RTTN: variants seen among roughly 807,000 people sequenced by gnomAD.
The protein encoded by RTTN is rotatin.
RTTN carries 182 observed loss-of-function variants against 269.2 expected under a neutral mutation model. The observed-to-expected ratio is 0.68, with a 90% CI of 0.60 to 0.76. The LOEUF (loss-of-function observed/expected upper bound fraction) is 0.76, where lower values mean the gene tolerates loss of function less well. RTTN is among the 30% of genes least tolerant of loss of function. The pLI, the probability that RTTN is intolerant of heterozygous loss-of-function variation, is 0.00. For missense variants in RTTN, 2,545 were observed against 2,608.6 expected (o/e 0.98, Z 0.53); for synonymous variants, 1,006 against 963.5 (o/e 1.04, Z -0.82).
At chr18:70,028,027 A>T (rs2056901828) in intron 43 of RTTN, among the ~76,000 whole-genome samples, 2 of 152,228 alleles carry the variant, frequency 1.3e-5, no homozygotes, top group East Asian at 1.9e-4. Context: ...ATTTTTTAAA[A>T]TTTTTATTTT....
intron 21 of RTTN, among the ~76,000 whole-genome samples, chr18:70,135,985 A>G (rs549087928): frequency 6.6e-6 from 1 of 152,310 alleles, no homozygotes; most frequent in African/African-American, 2.4e-5. Context: ...ATGTTATCTC[A>G]CAGGAATAAC....
In RTTN at chr18:70,193,377, T is replaced by C; in HGVS notation, c.918A>G (p.Pro306=). 2 of 1,608,966 alleles carry C rather than the reference T, an allele frequency of 1.2e-6. No individual in the cohort carries two copies. Among genetic ancestry groups the C allele is most frequent in the Non-Finnish European group, 1.7e-6 (2 of 1,177,906 alleles). The change falls in exon 8 of 49, where the codon CCA becomes CCG. Residue 306 remains proline (P), a synonymous_variant. Transcript: ENST00000640769. ...CAGAAGGCCGAGGGCTGCTGCTTCCTGGGGAAGGATTCTGGGAATGATGAG... is the reference window on the plus strand; with the variant it reads ...CAGAAGGCCGAGGGCTGCTGCTTCCCGGGGAAGGATTCTGGGAATGATGAG... ...RGTHHSQNPS[P]GSSSPRPSVV...
At chr18:70,173,491 C>CAAAAAAAAAAAAA (rs397974179) in intron 11 of RTTN, among the ~76,000 whole-genome samples, 1 of 48,506 alleles carries the variant, frequency 2.1e-5, no homozygotes, top group African/African-American at 7.2e-5. Context: ...GACTCCAACT[C>CAAAAAAAAAAAAA]AAAAAAAAAA....
chr18:70,200,644 T>C (rs1371721362), intron 4 of RTTN, among the ~76,000 whole-genome samples: 1 of 152,234 alleles, frequency 6.6e-6, no homozygotes, highest in Non-Finnish European at 1.5e-5. Context: ...GAAAGCTTTT[T>C]AATAACAGAG....
At chr18:70,157,801 G>A (rs2060721501) in intron 14 of RTTN, among the ~76,000 whole-genome samples, 1 of 151,850 alleles carries the variant, frequency 6.6e-6, no homozygotes, top group Non-Finnish European at 1.5e-5. Flanking sequence ...TTTCATGATA[G>A]GAATTTCATA....
In RTTN at chr18:70,166,901, T is replaced by TAAGAAAGAAAATATTACATCTTTGAAC. The variant is rs2061001616; in HGVS notation, c.1793_1802+17dup. ...GTGTCCAATAATAACGTAATCACATTAAGAAAGAAAATATTACATCTTTGA... is the reference window on the plus strand; with the variant it reads ...GTGTCCAATAATAACGTAATCACATTAAGAAAGAAAATATTACATCTTTGAACAAGAAAGAAAATATTACATCTTTGA... On this transcript the variant is annotated intron_variant, in intron 13 of 48. Transcript: ENST00000640769. 6.5e-7 allele frequency: 1 copy of TAAGAAAGAAAATATTACATCTTTGAAC among 1,545,598 alleles called. No individual in the cohort carries two copies. Among genetic ancestry groups the TAAGAAAGAAAATATTACATCTTTGAAC allele is most frequent in the South Asian group, 1.1e-5 (1 of 89,152 alleles).
chr18:70,038,363 AG>A (rs1170576288), intron 40 of RTTN, among the ~76,000 whole-genome samples: 3 of 152,192 alleles, frequency 2.0e-5, no homozygotes, highest in Non-Finnish European at 4.4e-5. Context: ...TGGTAGCCAC[AG>A]GGATGCTAAT....
intron 11 of RTTN, among the ~76,000 whole-genome samples, chr18:70,171,507 T>C (rs532120185): frequency 1.3e-5 from 2 of 152,354 alleles, no homozygotes; most frequent in Admixed American, 1.3e-4. Flanking sequence ...TTGAAACTCT[T>C]GCTATCTCAA....
At chr18:70,013,541 G>A (rs144401757) in intron 46 of RTTN, among the ~76,000 whole-genome samples, 1 of 152,088 alleles carries the variant, frequency 6.6e-6, no homozygotes, top group East Asian at 1.9e-4. Flanking sequence ...ACAATTTTGA[G>A]TTCAACAAGT....
Position 70,127,507 on chromosome 18 carries a change from T to C in RTTN, c.3378A>G (p.Leu1126=), listed in dbSNP as rs147085723. 24 of 1,613,286 alleles carry C rather than the reference T, an allele frequency of 1.5e-5. No homozygotes were observed. Among genetic ancestry groups the C allele is most frequent in the African/African-American group, 1.2e-4 (9 of 74,986 alleles). The change falls in exon 25 of 49, where the codon CTA becomes CTG. Residue 1126 remains leucine, a synonymous_variant. Transcript: ENST00000640769. ...TLKSLAWHTA[L]NRFLQVLPAC... is the part of the protein sequence containing the mutation. ...AGCCTTGACCTTACACTGACCTGTT[T>C]AGTGCGGTGTGCCAAGCCAAGGACT...
chr18:70,166,950 T>C lies in RTTN; in HGVS notation c.1771A>G (p.Ile591Val), dbSNP rs2061002912. ...SFSYHQHFPL[I>V]KEIISICSKI... is the part of the protein sequence containing the mutation. ...GAACAAATGCTGATGATTTCCTTTA[T>C]TAGCGGGAAATGCTGATGATAGGAA... is the stretch of plus-strand genomic sequence containing the variant. The change falls in exon 13 of 49, where the codon ATA (isoleucine) becomes GTA (valine). Residue 591 changes from isoleucine (I) to valine (V), a missense_variant. Ile to Val is a conservative substitution (Grantham distance 29). Coordinates refer to ENST00000640769, the MANE Select transcript of RTTN (RefSeq NM_173630.4). 1.9e-6 allele frequency: 3 copies of C among 1,613,050 alleles called. No individual in the cohort carries two copies. Among genetic ancestry groups the C allele is most frequent in the Non-Finnish European group, 2.5e-6 (3 of 1,179,286 alleles).
chr18:70,088,346 T>C (rs1279849706), intron 30 of RTTN, among the ~76,000 whole-genome samples, 199 bp from the exon 31 acceptor site: 2 of 152,156 alleles, frequency 1.3e-5, no homozygotes, highest in African/African-American at 2.4e-5. Flanking sequence ...AAATTAAATA[T>C]AAGCAAATTT....
At chr18:70,153,932 C>T (rs548455792) in intron 14 of RTTN, among the ~76,000 whole-genome samples, 1 of 152,026 alleles carries the variant, frequency 6.6e-6, no homozygotes, top group African/African-American at 2.4e-5. Flanking sequence ...CAATATTTTG[C>T]AAGAACAGTG....
At chr18:70,184,404 A>T (rs1249700591) in intron 10 of RTTN, among the ~76,000 whole-genome samples, 1 of 152,030 alleles carries the variant, frequency 6.6e-6, no homozygotes. Flanking sequence ...AAATACAAAA[A>T]AATTAGCTGG....
At chr18:70,198,993 C>G (rs1356727350) in intron 5 of RTTN, among the ~76,000 whole-genome samples, 3 of 152,130 alleles carry the variant, frequency 2.0e-5, no homozygotes, top group South Asian at 4.1e-4. Context: ...TGAAGACCAG[C>G]TTGGCCAACG....
intron 21 of RTTN, among the ~76,000 whole-genome samples, chr18:70,136,085 T>C (rs1304456206): frequency 6.6e-6 from 1 of 152,086 alleles, no homozygotes; most frequent in Non-Finnish European, 1.5e-5. Context: ...AAGAAAATCA[T>C]CCTTATGTAA....
chr18:70,140,269 T>C, intron 19 of RTTN, 81 bp from the exon 20 acceptor site: 1 of 749,566 alleles, frequency 1.3e-6, no homozygotes, highest in Non-Finnish European at 2.3e-6. Flanking sequence ...TCAGAACTGA[T>C]ATCCACACAA....
chr18:70,136,044 T>C (rs1228573256), intron 21 of RTTN, among the ~76,000 whole-genome samples: 4 of 152,140 alleles, frequency 2.6e-5, no homozygotes, highest in Admixed American at 2.6e-4. Flanking sequence ...TAAGAAGTTT[T>C]GAGAGAAGAG....
At chr18:70,104,632 C>A (rs980160000) in intron 28 of RTTN, among the ~76,000 whole-genome samples, 1 of 152,176 alleles carries the variant, frequency 6.6e-6, no homozygotes, top group African/African-American at 2.4e-5. Context: ...GTGGTTTTAT[C>A]TATCTTTGGT....
Sources: allele counts gnomAD v4.1 joint callset (sites outside exome capture counted in the v4.1 genomes callset), GRCh38; gene constraint gnomAD v4.1.1; transcripts MANE v1.5; gene names NCBI Gene and HGNC (gene_info 2026-07-23, HGNC 2026-07-21).